The following CDR2 variants were observed in gnomAD, a reference collection of about 807,000 sequenced individuals.
CDR2 encodes the protein cerebellar degeneration-related protein 2.
Under a neutral mutation model 48.4 loss-of-function variants are expected in CDR2, and 34 were observed. That is an observed-to-expected ratio of 0.70 (90% CI 0.53 to 0.94). CDR2 has a LOEUF of 0.94. CDR2 is among the 40% of genes least tolerant of loss of function. The probability of loss-of-function intolerance (pLI) is 0.00; values close to 1 mark genes in which losing one functional copy is unlikely to be tolerated. For missense variants in CDR2, 498 were observed against 549.5 expected (o/e 0.91, Z 0.94); for synonymous variants, 240 against 219.7 (o/e 1.09, Z -0.82).
chr16:22,358,092 T>A (rs1463645089), intron 2 of CDR2, among the ~76,000 whole-genome samples: 7 of 152,174 alleles, frequency 4.6e-5, no homozygotes, highest in Non-Finnish European at 4.4e-5. Flanking sequence ...GCTCTCTAAG[T>A]ACGTACTGAT....
At chr16:22,368,234 T>G (rs1285934904) in intron 1 of CDR2, among the ~76,000 whole-genome samples, 2 of 152,078 alleles carry the variant, frequency 1.3e-5, no homozygotes, top group Non-Finnish European at 2.9e-5. Flanking sequence ...TGAGATGGAG[T>G]CTCTCACTCT....
chr16:22,352,275 C>T (rs1405243766), intron 2 of CDR2, among the ~76,000 whole-genome samples: 1 of 152,018 alleles, frequency 6.6e-6, no homozygotes, highest in Admixed American at 6.6e-5. Context: ...CTTCTTGAGG[C>T]TTTTTCTACA....
intron 2 of CDR2, among the ~76,000 whole-genome samples, chr16:22,361,409 T>C (rs934110352): frequency 2.6e-5 from 4 of 152,340 alleles, no homozygotes; most frequent in African/African-American, 9.6e-5. Context: ...GAGGAACATA[T>C]GCAAGGGTCA....
At chr16:22,364,232 C>T (rs768002303) in intron 2 of CDR2, among the ~76,000 whole-genome samples, 2 of 152,144 alleles carry the variant, frequency 1.3e-5, no homozygotes, top group Admixed American at 6.5e-5. Context: ...CATAAGCCAC[C>T]ACACTCAGCC....
chr16:22,361,427 G>A (rs985425664), intron 2 of CDR2, among the ~76,000 whole-genome samples: 1 of 152,224 alleles, frequency 6.6e-6, no homozygotes, highest in Non-Finnish European at 1.5e-5. Flanking sequence ...TCATTGTTTA[G>A]CAAGGAAGTA....
chr16:22,348,496 C>A (rs2048921675), intron 4 of CDR2, among the ~76,000 whole-genome samples: 1 of 152,180 alleles, frequency 6.6e-6, no homozygotes, highest in African/African-American at 2.4e-5. Flanking sequence ...TAAAGGCTCT[C>A]CAAATGATTC....
intron 1 of CDR2, among the ~76,000 whole-genome samples, chr16:22,371,209 C>CAA (rs895202260): frequency 4.3e-5 from 5 of 117,142 alleles, no homozygotes; most frequent in East Asian, 4.8e-4. Context: ...GACTCCACCT[C>CAA]AAAAAAAAAA....
intron 1 of CDR2, among the ~76,000 whole-genome samples, chr16:22,371,325 G>C (rs1486565340): frequency 1.3e-5 from 2 of 152,166 alleles, no homozygotes; most frequent in Non-Finnish European, 2.9e-5. Context: ...TAGACTTGCT[G>C]AATAATCTGT....
chr16:22,366,476 G>C (rs751833643), intron 1 of CDR2, among the ~76,000 whole-genome samples: 1 of 152,170 alleles, frequency 6.6e-6, no homozygotes, highest in East Asian at 1.9e-4. Context: ...CATGTGACCA[G>C]GGCCACATTA....
At chr16:22,361,518 C>T (rs562624332) in intron 2 of CDR2, among the ~76,000 whole-genome samples, 1 of 152,328 alleles carries the variant, frequency 6.6e-6, no homozygotes, top group East Asian at 1.9e-4. Flanking sequence ...AAATCTACAT[C>T]GTGATCTCTA....
At chr16:22,366,918 T>G (rs1473247302) in intron 1 of CDR2, 1 of 152,276 alleles carries the variant, frequency 6.6e-6, no homozygotes, top group African/African-American at 2.4e-5. Context: ...AATTCTGACA[T>G]GTTTTGAAAG....
Position 22,374,212 on chromosome 16 carries a change from G to A in CDR2, c.79+19C>T, listed in dbSNP as rs763993860. On this transcript the variant is annotated intron_variant, in intron 1 of 4. Coordinates refer to ENST00000268383, the MANE Select transcript of CDR2 (RefSeq NM_001802.2). ...CCGGGCCAGGCCGCCGCCCGCCCGC[G>A]GGGCGCCCCCGCCCTCACCTTGCTG... The A allele has an allele frequency of 5.8e-6, 9 of 1,553,708 alleles. No homozygotes were observed. The highest frequency in any genetic ancestry group is 1.9e-5 in the Admixed American group (1 of 53,654).
At chr16:22,358,173 A>G (rs567731395) in intron 2 of CDR2, among the ~76,000 whole-genome samples, 1 of 152,308 alleles carries the variant, frequency 6.6e-6, no homozygotes, top group South Asian at 2.1e-4. Flanking sequence ...GAAATGGGTT[A>G]GCTTATTTCC....
At chr16:22,351,439 C>A (rs1024153070) in intron 2 of CDR2, among the ~76,000 whole-genome samples, 4 of 151,962 alleles carry the variant, frequency 2.6e-5, no homozygotes, top group African/African-American at 9.7e-5. Flanking sequence ...GAATTGACAC[C>A]CTGTCTTCCA....
chr16:22,365,313 T>C (rs1598295943), intron 1 of CDR2: 1 of 219,082 alleles, frequency 4.6e-6, no homozygotes, highest in East Asian at 1.1e-4. Context: ...TCCTATTTGC[T>C]AGTACAATGA....
chr16:22,348,811 G>C (rs190399558), intron 4 of CDR2, among the ~76,000 whole-genome samples: 16 of 152,294 alleles, frequency 1.1e-4, no homozygotes, highest in African/African-American at 3.8e-4. Context: ...AAGCTCACAG[G>C]GGTAGAAACT....
At chr16:22,358,265 C>T (rs1005243516) in intron 2 of CDR2, among the ~76,000 whole-genome samples, 1 of 152,024 alleles carries the variant, frequency 6.6e-6, no homozygotes, top group African/African-American at 2.4e-5. Context: ...ATCTGACTGC[C>T]ATAGTAAACA....
intron 4 of CDR2, 100 bp downstream of exon 4, chr16:22,349,179 G>T: frequency 7.8e-7 from 1 of 1,277,814 alleles, no homozygotes; most frequent in Non-Finnish European, 1.1e-6. Context: ...ATAGCTAAGT[G>T]ACTTTTCTTA....
intron 1 of CDR2, among the ~76,000 whole-genome samples, chr16:22,371,749 G>A (rs981619493): frequency 6.6e-6 from 1 of 152,016 alleles, no homozygotes; most frequent in East Asian, 1.9e-4. Flanking sequence ...ACTCCATATA[G>A]TTGGTTATGA....
Sources: allele counts gnomAD v4.1 joint callset (sites outside exome capture counted in the v4.1 genomes callset), GRCh38; gene constraint gnomAD v4.1.1; transcripts MANE v1.5; gene names NCBI Gene and HGNC (gene_info 2026-07-23, HGNC 2026-07-21).